NOTCH4: variants seen among roughly 807,000 people sequenced by gnomAD.
NOTCH4 encodes the protein notch receptor 4.
In NOTCH4, 138 loss-of-function variants were observed where a neutral mutation model predicts 189.0. The observed-to-expected ratio is 0.73, with a 90% CI of 0.64 to 0.84. The LOEUF is 0.84. Among genes scored for constraint, NOTCH4 ranks in the 40% least tolerant of loss-of-function variants. The pLI is 0.00. For synonymous variants in NOTCH4, 942 were observed against 1,032.8 expected (o/e 0.91, Z 1.69); for missense variants, 2,286 against 2,605.4 (o/e 0.88, Z 2.67).
At chr6:32,213,974 C>A in intron 13 of NOTCH4, 134 bp from the exon 14 acceptor site, 1 of 1,416,318 alleles carries the variant, frequency 7.1e-7, no homozygotes, top group Non-Finnish European at 9.8e-7. Flanking sequence ...CTCACCACCT[C>A]CCACACATCA....
In NOTCH4 at chr6:32,218,070, A is replaced by C; in HGVS notation, c.1549T>G (p.Cys517Gly). 1 of 1,613,758 alleles carries C rather than the reference A, an allele frequency of 6.2e-7. No individual in the cohort carries two copies. The highest frequency in any genetic ancestry group is 8.5e-7 in the Non-Finnish European group (1 of 1,179,846). Residue 517 changes from cysteine (C) to glycine (G), a missense_variant, in exon 9 of 30, where the codon TGT becomes GGT. Around this residue, in one of 2 missense-constraint regions of NOTCH4, gnomAD observed 1,903 missense variants for 2,261.9 expected, o/e 0.84. Transcript: ENST00000375023. Reference sequence around the variant, plus strand: ...TGGTTCAGGCAGGGAGCTGAGGCACACTCGTTGGTCTCCACCTCACAGAGC... The same window carrying C: ...TGGTTCAGGCAGGGAGCTGAGGCACCCTCGTTGGTCTCCACCTCACAGAGC... ...GQLCEVETNE[C>G]ASAPCLNHAD... is the part of the protein sequence containing the mutation.
At chr6:32,197,207 AT>A in intron 27 of NOTCH4, 91 bp downstream of exon 27, 1 of 1,515,192 alleles carries the variant, frequency 6.6e-7, no homozygotes, top group Non-Finnish European at 8.9e-7. Context: ...AATCACACCA[AT>A]TTCCTCCTTG....
In NOTCH4 at chr6:32,202,655, C is replaced by CT. The variant is rs1788429911; in HGVS notation, c.3232-57_3232-56insA. The CT allele has an allele frequency of 6.7e-7, 1 of 1,495,758 alleles. No individual in the cohort carries two copies. Among genetic ancestry groups the CT allele is most frequent in the Non-Finnish European group, 9.0e-7 (1 of 1,116,354 alleles). The allele number at this position is 1,495,758 out of a possible 1,614,324, so 92.7% of individuals were successfully genotyped here. A position where few individuals can be genotyped will look rare whatever the true frequency, so the allele number is the denominator to read the frequency against. On this transcript the variant is annotated intron_variant, in intron 20 of 29. Coordinates refer to ENST00000375023, the MANE Select transcript of NOTCH4 (RefSeq NM_004557.4). The surrounding 1 kb of genome is among the most constrained non-coding windows in gnomAD (Gnocchi z 5.7). ...CAACTTGCATTATTCTTCCCGCTCTCCATCAAGCAAACTCTTGGGTTAAGA... is the reference window on the plus strand; with the variant it reads ...CAACTTGCATTATTCTTCCCGCTCTCTCATCAAGCAAACTCTTGGGTTAAGA...
chr6:32,195,671 G>A lies in NOTCH4; in HGVS notation c.5778C>T (p.Asn1926=), dbSNP rs1222966129. 6.2e-7 allele frequency: 1 copy of A among 1,612,870 alleles called. No homozygotes were observed. Among genetic ancestry groups the A allele is most frequent in the Non-Finnish European group, 8.5e-7 (1 of 1,179,980 alleles). The part of the protein sequence containing the change: ...FSAGMRGPRP[N]PAIMRGRYGV... Reference sequence around the variant, plus strand: ...CGTATCTTCCTCGCATTATCGCAGGGTTGGGCCGAGGCCCGCGCATGCCTG... The same window carrying A: ...CGTATCTTCCTCGCATTATCGCAGGATTGGGCCGAGGCCCGCGCATGCCTG... Residue 1926 remains asparagine, a synonymous_variant, in exon 30 of 30, where the codon AAC becomes AAT. Transcript: ENST00000375023. This position sits in a 1 kb window ranked among gnomAD's most constrained non-coding sequence, Gnocchi z 5.4.
At position 32,198,443 on chromosome 6, in the gene NOTCH4, A is replaced by C; in HGVS notation, c.4734T>G (p.Pro1578=). 1 of 1,612,454 alleles carries C rather than the reference A, an allele frequency of 6.2e-7. No individual in the cohort carries two copies. The highest frequency in any genetic ancestry group is 1.1e-5 in the South Asian group (1 of 91,052). ...TACCAGGTCCACGGGTGTCCAGGTC[A>C]GGGGCTTCCATCTCAGATTCCTGGG... The part of the protein sequence containing the change: ...TPPQESEMEA[P]DLDTRGPDGV... Residue 1578 remains proline, a synonymous_variant, in exon 26 of 30, where the codon CCT becomes CCG. Coordinates refer to ENST00000375023, the MANE Select transcript of NOTCH4 (RefSeq NM_004557.4). This position sits in a 1 kb window ranked among gnomAD's most constrained non-coding sequence, Gnocchi z 5.5.
Position 32,198,563 on chromosome 6 carries a change from T to C in NOTCH4, c.4618-4A>G. 3.1e-6 allele frequency: 5 copies of C among 1,612,808 alleles called. No individual in the cohort carries two copies. Among genetic ancestry groups the C allele is most frequent in the Non-Finnish European group, 4.2e-6 (5 of 1,179,896 alleles). On this transcript the variant is annotated splice_polypyrimidine_tract_variant and splice_region_variant and intron_variant, in intron 25 of 29. Transcript: ENST00000375023. This position sits in a 1 kb window ranked among gnomAD's most constrained non-coding sequence, Gnocchi z 5.5. ...AGGGTGGGCCTGTTTCTTCAGCCTT[T>C]GGGTAACAGCAAGGATCAGTGAAGG...
chr6:32,198,451 C>A lies in NOTCH4; in HGVS notation c.4726G>T (p.Glu1576Ter). 6 of 1,612,828 alleles carry A rather than the reference C, an allele frequency of 3.7e-6. No homozygotes were observed. Among genetic ancestry groups the A allele is most frequent in the Non-Finnish European group, 5.1e-6 (6 of 1,179,984 alleles). The change falls in exon 26 of 30, where the codon GAA (glutamate) becomes TAA (stop). Residue 1576 changes from glutamate (E) to a stop codon, truncating the protein, a stop_gained. Coordinates refer to ENST00000375023, the MANE Select transcript of NOTCH4 (RefSeq NM_004557.4). LOFTEE classifies it high-confidence loss of function. This position sits in a 1 kb window ranked among gnomAD's most constrained non-coding sequence, Gnocchi z 5.5. ...MLTPPQESEM[E>*]APDLDTRGPD... ...CCACGGGTGTCCAGGTCAGGGGCTT[C>A]CATCTCAGATTCCTGGGGAGGAGTT... is the stretch of plus-strand genomic sequence containing the variant.
rs1429015839 is a variant in NOTCH4 at position 32,202,171 on chromosome 6, G to A, written c.3660C>T (p.Cys1220=). ...ACTGCCCGTCCCGGAAGAGAAGCCAGCACCGAGAGTGGGAGGGGCAGCCCT... is the reference window on the plus strand; with the variant it reads ...ACTGCCCGTCCCGGAAGAGAAGCCAACACCGAGAGTGGGAGGGGCAGCCCT... The part of the protein sequence containing the change: ...PWKGCPSHSR[C]WLLFRDGQCH... Residue 1220 remains cysteine (C), a synonymous_variant, in exon 21 of 30, where the codon TGC becomes TGT. Transcript: ENST00000375023. The surrounding 1 kb of genome is among the most constrained non-coding windows in gnomAD (Gnocchi z 5.7). The A allele has an allele frequency of 3.9e-6, 6 of 1,524,634 alleles. No individual in the cohort carries two copies. Among genetic ancestry groups the A allele is most frequent in the Non-Finnish European group, 5.3e-6 (6 of 1,136,822 alleles). The allele number at this position is 1,524,634 out of a possible 1,614,324, so 94.4% of individuals were successfully genotyped here.
At position 32,200,721 on chromosome 6, in the gene NOTCH4, G is replaced by T; in HGVS notation, c.4315+110C>A. On this transcript the variant is annotated intron_variant, in intron 23 of 29. Coordinates refer to ENST00000375023, the MANE Select transcript of NOTCH4 (RefSeq NM_004557.4). This position sits in a 1 kb window ranked among gnomAD's most constrained non-coding sequence, Gnocchi z 5.0. ...GTTAGGGAAAGTAAGTCCCCACAAA[G>T]AACATTTTCAGTCTCAGCTGTCCTG... The T allele has an allele frequency of 1.1e-6, 1 of 923,852 alleles. No individual in the cohort carries two copies. The highest frequency in any genetic ancestry group is 1.6e-6 in the Non-Finnish European group (1 of 636,512). The allele number at this position is 923,852 out of a possible 1,614,324, so 57.2% of individuals were successfully genotyped here.
In NOTCH4 at chr6:32,202,112, AACAG is replaced by A. The variant is rs1561920372; in HGVS notation, c.3715_3718del (p.Phe1240MetfsTer63). The A allele has an allele frequency of 4.0e-6, 6 of 1,498,422 alleles. No individual in the cohort carries two copies. Among genetic ancestry groups the A allele is most frequent in the Non-Finnish European group, 3.6e-6 (4 of 1,121,386 alleles). 92.8% of individuals were successfully genotyped at this position (1,498,422 alleles called of 1,614,324 possible). On this transcript the variant is annotated frameshift_variant, in exon 21 of 30. Coordinates refer to ENST00000375023, the MANE Select transcript of NOTCH4 (RefSeq NM_004557.4). LOFTEE classifies it high-confidence loss of function. This position sits in a 1 kb window ranked among gnomAD's most constrained non-coding sequence, Gnocchi z 5.7. Reference sequence around the variant, plus strand: ...AGGGGTCTCACAGTCGTAGCCATCAAACAGACACTCTTCAGAGTCACACTGTGGG... The same window carrying A: ...AGGGGTCTCACAGTCGTAGCCATCAAACACTCTTCAGAGTCACACTGTGGG...
At chr6:32,196,899 C>T in intron 28 of NOTCH4, 26 bp downstream of exon 28, 1 of 1,612,468 alleles carries the variant, frequency 6.2e-7, no homozygotes, top group Non-Finnish European at 8.5e-7. Context: ...TTCTCTATAG[C>T]ATACATCACC....
Position 32,217,074 on chromosome 6 carries a change from C to T in NOTCH4, c.1739-7G>A, listed in dbSNP as rs2127482973. ...CAGCGTGGCCCTTCAAAGCCTGTGG[C>T]ACAGCAGGAAGGTCAGGGACCTGCA... On this transcript the variant is annotated splice_polypyrimidine_tract_variant and splice_region_variant and intron_variant, in intron 10 of 29. Transcript: ENST00000375023. The surrounding 1 kb of genome is among the most constrained non-coding windows in gnomAD (Gnocchi z 4.2). 8 of 1,613,100 alleles carry T rather than the reference C, an allele frequency of 5.0e-6. No individual in the cohort carries two copies. Among genetic ancestry groups the T allele is most frequent in the Non-Finnish European group, 6.8e-6 (8 of 1,180,046 alleles).
chr6:32,202,496 G>C lies in NOTCH4; in HGVS notation c.3335C>G (p.Pro1112Arg), dbSNP rs770685356. 1 of 1,612,594 alleles carries C rather than the reference G, an allele frequency of 6.2e-7. No homozygotes were observed. The highest frequency in any genetic ancestry group is 1.1e-5 in the South Asian group (1 of 91,070). ...ATAGCCACTGAGGCAGGCACAGCGT[G>C]GTGGGAAGCCTGGCTTAGGGGAGGG... ...CLPSPKPGFPPRCACLSGYGG... is the reference protein window; with the variant it reads ...CLPSPKPGFPRRCACLSGYGG... The change falls in exon 21 of 30, where the codon CCA becomes CGA. Residue 1112 changes from proline to arginine, a missense_variant. Transcript: ENST00000375023. This position sits in a 1 kb window ranked among gnomAD's most constrained non-coding sequence, Gnocchi z 5.7.
chr6:32,195,072 G>T lies in NOTCH4; in HGVS notation c.*365C>A. ...TTTGTCAGCCATTTGTGGGCAGTGG[G>T]GACAATGGATCATAGGGGCACCCTT... On this transcript the variant is annotated 3_prime_UTR_variant, in exon 30 of 30. Transcript: ENST00000375023. This position sits in a 1 kb window ranked among gnomAD's most constrained non-coding sequence, Gnocchi z 5.4. 1 of 284,546 alleles carries T rather than the reference G, an allele frequency of 3.5e-6. No individual in the cohort carries two copies. The highest frequency in any genetic ancestry group is 6.6e-6 in the Non-Finnish European group (1 of 151,056). 17.6% of individuals were successfully genotyped at this position (284,546 alleles called of 1,614,324 possible).
chr6:32,218,452 T>G (rs1789554111), intron 8 of NOTCH4, among the ~76,000 whole-genome samples: 1 of 152,194 alleles, frequency 6.6e-6, no homozygotes, highest in African/African-American at 2.4e-5. Flanking sequence ...ACAAATTGGC[T>G]TGGAGAATGA....
intron 18 of NOTCH4, among the ~76,000 whole-genome samples, chr6:32,207,939 G>T (rs1788793264): frequency 6.6e-6 from 1 of 150,442 alleles, no homozygotes; most frequent in Non-Finnish European, 1.5e-5. Flanking sequence ...AGGAGGCAAA[G>T]GTTGCAGTGA....
At position 32,216,886 on chromosome 6, in the gene NOTCH4, C is replaced by G. The variant is rs548588861; in HGVS notation, c.1861+59G>C. The G allele has an allele frequency of 8.1e-6, 13 of 1,600,706 alleles. No individual in the cohort carries two copies. In the African/African-American group the frequency reaches 1.6e-4, roughly 20 times the overall value. On this transcript the variant is annotated intron_variant, in intron 11 of 29. Coordinates refer to ENST00000375023, the MANE Select transcript of NOTCH4 (RefSeq NM_004557.4). Reference sequence around the variant, plus strand: ...ATCAAACACCCACCAATGAACTCTGCCCCAACCCAAATGGAATAAAATATT... The same window carrying G: ...ATCAAACACCCACCAATGAACTCTGGCCCAACCCAAATGGAATAAAATATT...
At chr6:32,222,294 T>C (rs1412105998) in intron 3 of NOTCH4, among the ~76,000 whole-genome samples, 3 of 152,228 alleles carry the variant, frequency 2.0e-5, no homozygotes, top group African/African-American at 7.2e-5. Flanking sequence ...ATGGCACCCT[T>C]AATTTGGAAA....
intron 1 of NOTCH4, among the ~76,000 whole-genome samples, chr6:32,223,372 CGGAGGTGGCTCCCG>C (rs1561952165): frequency 1.3e-5 from 2 of 152,088 alleles, no homozygotes; most frequent in African/African-American, 2.4e-5. Context: ...AGAAGAGGGG[CGGAGGTGGCTCCCG>C]GGAGGTGAAT....
Sources: allele counts gnomAD v4.1 joint callset (sites outside exome capture counted in the v4.1 genomes callset), GRCh38; gene constraint gnomAD v4.1.1; regional missense constraint gnomAD v4.1.1; non-coding constraint Gnocchi (gnomAD v3.1); transcripts MANE v1.5; gene names NCBI Gene and HGNC (gene_info 2026-07-23, HGNC 2026-07-21).